GALNT13: variants seen among roughly 807,000 people sequenced by gnomAD.
GALNT13 encodes the protein polypeptide N-acetylgalactosaminyltransferase 13.
In GALNT13, 28 loss-of-function variants were observed where a neutral mutation model predicts 64.2. That is an observed-to-expected ratio of 0.44 (90% confidence interval 0.32 to 0.60). The LOEUF (loss-of-function observed/expected upper bound fraction) is 0.60, where lower values mean the gene tolerates loss of function less well. GALNT13 is among the 20% of genes least tolerant of loss of function. The pLI is 0.05. For missense variants in GALNT13, 577 were observed against 669.8 expected, an observed-to-expected ratio of 0.86 and a Z score of 1.53; for synonymous variants, 214 against 224.6, an observed-to-expected ratio of 0.95 and a Z score of 0.42.
intron 3 of GALNT13, among the ~76,000 whole-genome samples, chr2:153,966,309 C>T (rs1429685532): frequency 6.7e-6 from 1 of 148,870 alleles, no homozygotes; most frequent in African/African-American, 2.5e-5. Flanking sequence ...AAGCCTGGTC[C>T]TAGATGTATA....
chr2:153,287,216 C>G, the GALNT13 span, among the ~76,000 whole-genome samples: 2,733 of 152,252 alleles, frequency 0.018, 32 homozygotes, highest in Non-Finnish European at 0.028. Context: ...GCTGCGCATA[C>G]CCCTAGGGGA....
At chr2:154,373,445 A>G (rs2105315843) in intron 9 of GALNT13, among the ~76,000 whole-genome samples, 1 of 152,312 alleles carries the variant, frequency 6.6e-6, no homozygotes, top group Non-Finnish European at 1.5e-5. Context: ...GATAATTTTA[A>G]ATTCAAATTC....
At chr2:153,178,732 C>CTTTTTTTTTTT in the GALNT13 span, among the ~76,000 whole-genome samples, 1 of 98,414 alleles carries the variant, frequency 1.0e-5, no homozygotes, top group Admixed American at 1.3e-4. Context: ...TTCTCTTCTT[C>CTTTTTTTTTTT]TTTTTTTTTT....
chr2:153,988,763 T>C (rs1474650659), intron 3 of GALNT13, among the ~76,000 whole-genome samples: 2 of 151,970 alleles, frequency 1.3e-5, no homozygotes, highest in Non-Finnish European at 2.9e-5. Flanking sequence ...AGGATCTAAA[T>C]ACGTAATAAA....
the GALNT13 span, among the ~76,000 whole-genome samples, chr2:153,240,747 G>C: frequency 6.6e-6 from 1 of 152,074 alleles, no homozygotes; most frequent in African/African-American, 2.4e-5. Flanking sequence ...CTGTAGTCCA[G>C]TCATGGAGTG....
At chr2:153,968,427 C>T (rs557426494) in intron 3 of GALNT13, among the ~76,000 whole-genome samples, 1 of 152,318 alleles carries the variant, frequency 6.6e-6, no homozygotes, top group East Asian at 1.9e-4. Flanking sequence ...CAGATTCTTT[C>T]TCCAGGCTGT....
the GALNT13 span, among the ~76,000 whole-genome samples, chr2:153,578,609 A>G: frequency 6.6e-6 from 1 of 152,212 alleles, no homozygotes; most frequent in Non-Finnish European, 1.5e-5. Flanking sequence ...TAGCTTTAGT[A>G]GTTTAAATGT....
Position 154,300,004 on chromosome 2 carries a change from C to A in GALNT13, c.976-1405C>A, listed in dbSNP as rs144161729. Among the ~76,000 whole-genome samples, 32 of 151,446 alleles carry A rather than the reference C, an allele frequency of 2.1e-4. 1 individual carries two copies. In the East Asian group the frequency reaches 6.2e-3, roughly 29 times the overall value. On this transcript the variant is annotated intron_variant, in intron 8 of 12. Transcript: ENST00000392825. ...CTTCTGATAAAAAAAGTGGTTGTCT[C>A]TTACTGCTACCCAAGTCCAATAGCA...
the GALNT13 span, among the ~76,000 whole-genome samples, chr2:153,660,819 T>C: frequency 1.3e-5 from 2 of 151,940 alleles, no homozygotes; most frequent in Non-Finnish European, 2.9e-5. Flanking sequence ...TATCTTGAAA[T>C]TGTTCTTAAA....
At chr2:153,582,672 G>C in the GALNT13 span, among the ~76,000 whole-genome samples, 1 of 152,018 alleles carries the variant, frequency 6.6e-6, no homozygotes, top group African/African-American at 2.4e-5. Flanking sequence ...TGTCCCTGTA[G>C]AGCTCCTATC....
downstream of GALNT13, among the ~76,000 whole-genome samples, chr2:154,455,356 T>G (rs2105517044): frequency 6.6e-6 from 1 of 152,296 alleles, no homozygotes; most frequent in South Asian, 2.1e-4. Context: ...CATTCTTAAG[T>G]TATAAAGTGT....
chr2:153,355,144 C>T, the GALNT13 span, among the ~76,000 whole-genome samples: 3 of 152,198 alleles, frequency 2.0e-5, no homozygotes, highest in East Asian at 1.9e-4. Context: ...ATGATTTTTT[C>T]GTGAGGAGTG....
At chr2:154,298,564 T>TCATATATACATTG (rs1427090470) in intron 8 of GALNT13, among the ~76,000 whole-genome samples, 4 of 54,018 alleles carry the variant, frequency 7.4e-5, no homozygotes, top group East Asian at 3.5e-4. Context: ...TATATATAAT[T>TCATATATACATTG]TATATATAAA....
the GALNT13 span, among the ~76,000 whole-genome samples, chr2:153,828,841 C>T: frequency 6.6e-6 from 1 of 152,136 alleles, no homozygotes; most frequent in African/African-American, 2.4e-5. Context: ...AAACTGAATG[C>T]CTTTAACAGC....
At chr2:153,246,292 C>T in the GALNT13 span, among the ~76,000 whole-genome samples, 1 of 152,066 alleles carries the variant, frequency 6.6e-6, no homozygotes, top group Non-Finnish European at 1.5e-5. Flanking sequence ...TCAGAAAATA[C>T]AGAGAACACC....
At chr2:153,243,280 G>A in the GALNT13 span, among the ~76,000 whole-genome samples, 1 of 152,124 alleles carries the variant, frequency 6.6e-6, no homozygotes, top group Admixed American at 6.5e-5. Flanking sequence ...GGGGGATCCA[G>A]GATCCAGGAT....
chr2:154,147,700 CTATT>C (rs2105606195), intron 4 of GALNT13, among the ~76,000 whole-genome samples: 1 of 151,932 alleles, frequency 6.6e-6, no homozygotes, highest in East Asian at 1.9e-4. Context: ...TACCAAATAC[CTATT>C]TGTTTGTTTG....
At chr2:154,165,593 T>A (rs1358613530) in intron 4 of GALNT13, among the ~76,000 whole-genome samples, 1 of 152,226 alleles carries the variant, frequency 6.6e-6, no homozygotes, top group Non-Finnish European at 1.5e-5. Context: ...AAATTAGTTT[T>A]CATTAATATT....
rs147704696 is a variant in GALNT13 at position 153,920,586 on chromosome 2, A to G, written c.-105+19579A>G. On this transcript the variant is annotated intron_variant, in intron 2 of 12. Coordinates refer to ENST00000392825, the MANE Select transcript of GALNT13 (RefSeq NM_052917.4). ...ACCTAGAAACTGGCAAAGATTTTATAACAAAGATCCCAAAACCACTGCAAC... is the reference window on the plus strand; with the variant it reads ...ACCTAGAAACTGGCAAAGATTTTATGACAAAGATCCCAAAACCACTGCAAC... Among the ~76,000 whole-genome samples, 616 of 152,148 alleles carry G rather than the reference A, an allele frequency of 4.0e-3. 3 individuals carry two copies. Among genetic ancestry groups the G allele is most frequent in the African/African-American group, 0.014 (589 of 41,544 alleles).
Sources: allele counts gnomAD v4.1 joint callset (sites outside exome capture counted in the v4.1 genomes callset), GRCh38; gene constraint gnomAD v4.1.1; transcripts MANE v1.5; gene names NCBI Gene and HGNC (gene_info 2026-07-23, HGNC 2026-07-21).